DCC: variants seen among roughly 807,000 people sequenced by gnomAD.
DCC encodes the protein DCC netrin 1 receptor, also known as netrin receptor DCC.
A neutral mutation model predicts 172.5 loss-of-function variants in DCC; 58 were observed. The observed-to-expected ratio is 0.34, with a 90% CI of 0.27 to 0.42. The LOEUF is 0.42. Ranked by LOEUF, DCC falls within the 10% of genes least tolerant of loss-of-function variation. The pLI, the probability that DCC is intolerant of heterozygous loss-of-function variation, is 1.00. For missense variants in DCC, 1,740 were observed against 1,791.0 expected, an observed-to-expected ratio of 0.97 and a Z score of 0.51; for synonymous variants, 709 against 644.5, an observed-to-expected ratio of 1.10 and a Z score of -1.52.
chr18:52,942,427 T>C (rs551543109), intron 5 of DCC, among the ~76,000 whole-genome samples: 36 of 152,294 alleles, frequency 2.4e-4, no homozygotes, highest in African/African-American at 8.4e-4. Context: ...GGTGTGTCTT[T>C]TAATAGCATG....
intron 5 of DCC, among the ~76,000 whole-genome samples, chr18:53,030,631 T>C (rs1260573019): frequency 6.6e-6 from 1 of 152,142 alleles, no homozygotes; most frequent in Non-Finnish European, 1.5e-5. Context: ...ACTTAGTATG[T>C]GCCTTTGCTT....
intron 25 of DCC, 70 bp from the exon 26 acceptor site, chr18:53,486,727 C>T: frequency 1.2e-6 from 2 of 1,605,968 alleles, no homozygotes; most frequent in South Asian, 2.2e-5. Context: ...GAAAATTCCA[C>T]CGTTTTCTTT....
intron 5 of DCC, among the ~76,000 whole-genome samples, chr18:53,002,614 T>C (rs1014365891): frequency 2.6e-5 from 4 of 152,052 alleles, no homozygotes; most frequent in African/African-American, 9.7e-5. Flanking sequence ...TCCTTTTTTT[T>C]CCTCTCAGAA....
At chr18:52,977,637 G>C (rs1412733849) in intron 5 of DCC, among the ~76,000 whole-genome samples, 1 of 152,134 alleles carries the variant, frequency 6.6e-6, no homozygotes, top group Non-Finnish European at 1.5e-5. Context: ...TGTAGTCCCA[G>C]CACTTTGGGA....
At chr18:52,897,203 C>G (rs1387293095) in intron 2 of DCC, among the ~76,000 whole-genome samples, 1 of 152,114 alleles carries the variant, frequency 6.6e-6, no homozygotes, top group Non-Finnish European at 1.5e-5. Flanking sequence ...GGAACAGTAC[C>G]AACACTACAG....
At chr18:53,376,627 T>A (rs961888232) in intron 15 of DCC, among the ~76,000 whole-genome samples, 1 of 151,848 alleles carries the variant, frequency 6.6e-6, no homozygotes, top group African/African-American at 2.4e-5. Context: ...GGAGTACACG[T>A]GCTGCTTTCC....
intron 15 of DCC, among the ~76,000 whole-genome samples, chr18:53,356,168 C>T (rs1449450055): frequency 1.3e-5 from 2 of 152,086 alleles, no homozygotes; most frequent in Non-Finnish European, 2.9e-5. Context: ...AATTCTGCTG[C>T]CTTAGCTTCC....
At chr18:52,813,761 T>C (rs184348389) in intron 2 of DCC, among the ~76,000 whole-genome samples, 1 of 152,158 alleles carries the variant, frequency 6.6e-6, no homozygotes, top group South Asian at 2.1e-4. Context: ...AAAGCCTGAA[T>C]AGAACAAAAA....
chr18:53,037,250 T>C (rs536216351), intron 5 of DCC, among the ~76,000 whole-genome samples: 1 of 152,116 alleles, frequency 6.6e-6, no homozygotes, highest in South Asian at 2.1e-4. Flanking sequence ...TGGTGTCAAG[T>C]CCACCTAGGA....
At chr18:52,364,351 TA>T (rs1984749697) in intron 1 of DCC, among the ~76,000 whole-genome samples, 1 of 150,456 alleles carries the variant, frequency 6.6e-6, no homozygotes, top group Non-Finnish European at 1.5e-5. Context: ...TAAGAAAATA[TA>T]AATCACTCAT....
chr18:53,275,691 A>C (rs1168308519), intron 12 of DCC, among the ~76,000 whole-genome samples: 1 of 152,104 alleles, frequency 6.6e-6, no homozygotes, highest in Admixed American at 6.6e-5. Context: ...GCACTAGGAA[A>C]TATCTCTTAT....
chr18:53,237,723 A>G (rs2056227486), intron 12 of DCC, among the ~76,000 whole-genome samples: 1 of 152,228 alleles, frequency 6.6e-6, no homozygotes, highest in African/African-American at 2.4e-5. Context: ...GAAAGAAATC[A>G]AATTATAATT....
intron 2 of DCC, among the ~76,000 whole-genome samples, chr18:52,768,873 TG>T (rs1442828125): frequency 3.9e-5 from 6 of 152,050 alleles, no homozygotes; most frequent in African/African-American, 1.4e-4. Context: ...TAGAAAAGGG[TG>T]AGGGAGAAAT....
At chr18:52,656,160 A>G (rs1337682780) in intron 1 of DCC, among the ~76,000 whole-genome samples, 1 of 150,792 alleles carries the variant, frequency 6.6e-6, no homozygotes, top group East Asian at 1.9e-4. Flanking sequence ...TATGGTCTAA[A>G]TGTTTGTGTT....
At chr18:52,850,952 G>C (rs2038966230) in intron 2 of DCC, among the ~76,000 whole-genome samples, 1 of 152,018 alleles carries the variant, frequency 6.6e-6, no homozygotes, top group Non-Finnish European at 1.5e-5. Flanking sequence ...AATAAAGTCA[G>C]TGTTTTACAG....
intron 2 of DCC, among the ~76,000 whole-genome samples, chr18:52,848,173 C>A (rs1247236147): frequency 1.3e-5 from 2 of 150,918 alleles, no homozygotes; most frequent in Non-Finnish European, 2.9e-5. Flanking sequence ...GCAACCTCCG[C>A]CTCCCAGGTT....
chr18:52,817,908 G>GT (rs2038332804), intron 2 of DCC, among the ~76,000 whole-genome samples: 5 of 152,292 alleles, frequency 3.3e-5, no homozygotes, highest in Admixed American at 2.0e-4. Context: ...AAGCCAGCTT[G>GT]TGGAATGCTT....
chr18:52,470,901 T>G (rs1988927836), intron 1 of DCC, among the ~76,000 whole-genome samples: 1 of 152,150 alleles, frequency 6.6e-6, no homozygotes, highest in African/African-American at 2.4e-5. Context: ...GAACTGCCAT[T>G]TACAGTAACA....
rs906726943 is a variant in DCC, at chr18:52,431,330, C to T, written c.91+90452C>T. ...CAATAATAATAAAGAAAGAAGAGAA[C>T]ATTTAGAAAAAAAAAGATCAGCATT... On this transcript the variant is annotated intron_variant, in intron 1 of 28. Transcript: ENST00000442544. Among the ~76,000 whole-genome samples the T allele has an allele frequency of 2.1e-4, 32 of 151,690 alleles. 1 individual carries two copies. Among genetic ancestry groups the T allele is most frequent in the African/African-American group, 4.8e-5 (2 of 41,334 alleles).
Sources: allele counts gnomAD v4.1 joint callset (sites outside exome capture counted in the v4.1 genomes callset), GRCh38; gene constraint gnomAD v4.1.1; transcripts MANE v1.5; gene names NCBI Gene and HGNC (gene_info 2026-07-23, HGNC 2026-07-21).